Variants in TMEM232 observed in about 807,000 individuals in gnomAD.
TMEM232 encodes transmembrane protein 232.
In TMEM232, 80 loss-of-function variants were observed where a neutral mutation model predicts 78.8. That is an observed-to-expected ratio of 1.01 (90% CI 0.85 to 1.22). The LOEUF is 1.22. Among genes scored for constraint, TMEM232 ranks in the 50% most tolerant of loss-of-function variants. The pLI is 0.00. For missense variants in TMEM232, 881 were observed against 742.2 expected, an observed-to-expected ratio of 1.19 and a Z score of -2.17; for synonymous variants, 297 against 254.3, an observed-to-expected ratio of 1.17 and a Z score of -1.60.
chr5:110,652,825 AAAT>A (rs1420166055), intron 2 of TMEM232, among the ~76,000 whole-genome samples: 8 of 152,242 alleles, frequency 5.3e-5, no homozygotes, highest in Non-Finnish European at 1.0e-4. Flanking sequence ...AATTTCTCTG[AAAT>A]ATCAAAGGAT....
intron 5 of TMEM232, among the ~76,000 whole-genome samples, chr5:110,637,889 A>C (rs1786092324): frequency 6.6e-6 from 1 of 152,084 alleles, no homozygotes; most frequent in African/African-American, 2.4e-5. Flanking sequence ...GTGGCATTTA[A>C]AAGTCCTTAA....
chr5:110,515,966 A>G (rs1033165114), intron 12 of TMEM232, among the ~76,000 whole-genome samples: 4 of 152,158 alleles, frequency 2.6e-5, no homozygotes, highest in Non-Finnish European at 5.9e-5. Context: ...GAGGCCGGGC[A>G]CGGTGGCTCA....
intron 11 of TMEM232, among the ~76,000 whole-genome samples, chr5:110,565,811 C>A (rs1469374184): frequency 2.6e-5 from 4 of 151,864 alleles, no homozygotes; most frequent in Admixed American, 1.3e-4. Context: ...ATATGTTAGT[C>A]TTATCCTTGA....
intron 12 of TMEM232, among the ~76,000 whole-genome samples, chr5:110,503,349 C>A (rs1365273760): frequency 2.0e-5 from 3 of 151,894 alleles, no homozygotes; most frequent in African/African-American, 7.3e-5. Context: ...TGAGTTAATC[C>A]AAGAATGAAT....
At chr5:110,599,989 G>C (rs1254367506) in intron 10 of TMEM232, among the ~76,000 whole-genome samples, 2 of 152,136 alleles carry the variant, frequency 1.3e-5, no homozygotes, top group African/African-American at 2.4e-5. Flanking sequence ...AATCAAACTA[G>C]AACTCAGGAT....
chr5:110,526,049 A>T (rs867499209), intron 12 of TMEM232, among the ~76,000 whole-genome samples: 145 of 148,068 alleles, frequency 9.8e-4, no homozygotes, highest in African/African-American at 3.6e-3. Flanking sequence ...AAAAAAAAAA[A>T]ATTCAAACAG....
intron 1 of TMEM232, among the ~76,000 whole-genome samples, chr5:110,710,070 G>A (rs907955345): frequency 6.6e-6 from 1 of 151,712 alleles, no homozygotes; most frequent in Non-Finnish European, 1.5e-5. Context: ...AATCAGAGAC[G>A]AAAAAAGAGA....
intron 11 of TMEM232, among the ~76,000 whole-genome samples, chr5:110,533,931 TA>T (rs201101570): frequency 0.02 from 3,052 of 152,254 alleles, 77 homozygotes; most frequent in African/African-American, 0.057. Context: ...CGTAGAAATC[TA>T]TCCTCAAAGA....
chr5:110,671,489 GAACC>G lies in TMEM232; in HGVS notation c.-12-4129_-12-4126del, dbSNP rs575792856. On this transcript the variant is annotated intron_variant, in intron 1 of 13. Transcript: ENST00000455884. The stretch of plus-strand genomic sequence containing the variant: ...CACTATTCACAATAGCACAGACTTG[GAACC>G]AACCCAAATGCCCATCAATGATAGA... Among the ~76,000 whole-genome samples, 6 of 152,256 alleles carry G rather than the reference GAACC, an allele frequency of 3.9e-5. No homozygotes were observed. In the South Asian group the frequency reaches 1.2e-3, roughly 32 times the overall value.
intron 12 of TMEM232, among the ~76,000 whole-genome samples, chr5:110,504,272 T>C (rs1476760397): frequency 6.6e-6 from 1 of 152,146 alleles, no homozygotes. Flanking sequence ...AACATAAATA[T>C]AGAGGACATA....
chr5:110,428,858 G>C (rs1353799297), intron 12 of TMEM232, among the ~76,000 whole-genome samples: 2 of 151,788 alleles, frequency 1.3e-5, no homozygotes, highest in African/African-American at 4.8e-5. Flanking sequence ...TAGGTACAAG[G>C]GGTTAAGACT....
At chr5:110,691,187 G>C (rs547969393) in intron 1 of TMEM232, among the ~76,000 whole-genome samples, 2 of 150,628 alleles carry the variant, frequency 1.3e-5, no homozygotes, top group Non-Finnish European at 3.0e-5. Context: ...GGACAATGAG[G>C]AAAATGAGTT....
chr5:110,572,592 A>T (rs1373420502), intron 10 of TMEM232, among the ~76,000 whole-genome samples: 6 of 152,082 alleles, frequency 3.9e-5, no homozygotes. Context: ...TTGAATTATC[A>T]AAATGAATAC....
chr5:110,571,068 G>A (rs867508176), intron 10 of TMEM232, among the ~76,000 whole-genome samples: 24 of 151,982 alleles, frequency 1.6e-4, no homozygotes, highest in Middle Eastern at 3.4e-3. Context: ...GGCTTCTATC[G>A]AGACTCCTGC....
rs543584794 is a variant in TMEM232 at position 110,487,521 on chromosome 5, C to T, written c.1703+41067G>A. Among the ~76,000 whole-genome samples the T allele has an allele frequency of 1.1e-3, 174 of 151,964 alleles. 1 individual carries two copies. Among genetic ancestry groups the T allele is most frequent in the Non-Finnish European group, 1.9e-3 (127 of 67,866 alleles). On this transcript the variant is annotated intron_variant, in intron 12 of 13. Coordinates refer to ENST00000455884, the MANE Select transcript of TMEM232 (RefSeq NM_001039763.4). ...TTTGCTGAGAGTTTTCATTGGAAAG[C>T]GATACTGGATTTTGTCGAATGCTTT...
intron 8 of TMEM232, among the ~76,000 whole-genome samples, chr5:110,610,239 G>GC (rs1782046316): frequency 7.0e-6 from 1 of 143,286 alleles, no homozygotes; most frequent in Non-Finnish European, 1.5e-5. Context: ...AAAAAGAAAG[G>GC]AAGGAAGGGA....
At chr5:110,480,960 TTAATG>T (rs1435898932) in intron 12 of TMEM232, among the ~76,000 whole-genome samples, 2 of 152,172 alleles carry the variant, frequency 1.3e-5, no homozygotes, top group East Asian at 3.9e-4. Flanking sequence ...AATTATATGA[TTAATG>T]TATACAATTT....
chr5:110,456,830 A>C (rs989725536), intron 12 of TMEM232, among the ~76,000 whole-genome samples: 3 of 152,158 alleles, frequency 2.0e-5, no homozygotes, highest in African/African-American at 7.2e-5. Context: ...ATGTAAAGAA[A>C]AAAAGAGGAA....
At chr5:110,660,159 C>T (rs1481258279) in intron 2 of TMEM232, among the ~76,000 whole-genome samples, 5 of 151,830 alleles carry the variant, frequency 3.3e-5, no homozygotes, top group Non-Finnish European at 7.4e-5. Context: ...CAATAAGAAA[C>T]TTAAAATTAC....
Sources: allele counts gnomAD v4.1 joint callset (sites outside exome capture counted in the v4.1 genomes callset), GRCh38; gene constraint gnomAD v4.1.1; transcripts MANE v1.5; gene names NCBI Gene and HGNC (gene_info 2026-07-23, HGNC 2026-07-21).